CBLB: variants seen among roughly 807,000 people sequenced by gnomAD.
CBLB encodes E3 ubiquitin-protein ligase CBL-B.
CBLB carries 31 observed loss-of-function variants against 104.9 expected under a neutral mutation model. The observed-to-expected ratio is 0.30, with a 90% CI of 0.22 to 0.40. CBLB has a LOEUF of 0.40. CBLB is among the 10% of genes least tolerant of loss of function. The probability of loss-of-function intolerance (pLI) is 1.00; values close to 1 mark genes in which losing one functional copy is unlikely to be tolerated. For synonymous variants in CBLB, 440 were observed against 422.6 expected (o/e 1.04, Z -0.51); for missense variants, 1,062 against 1,214.6 (o/e 0.87, Z 1.87).
intron 3 of CBLB, among the ~76,000 whole-genome samples, chr3:105,851,258 G>T: frequency 6.6e-6 from 1 of 152,164 alleles, no homozygotes; most frequent in Non-Finnish European, 1.5e-5. Context: ...AATGCAAATT[G>T]TTAGGTGACA....
upstream of CBLB, chr3:105,869,347 T>A (rs1706767538): frequency 7.5e-7 from 1 of 1,335,506 alleles, no homozygotes; most frequent in Non-Finnish European, 9.9e-7. Context: ...CAATAAGGGG[T>A]GGCAGGTGGG....
At chr3:105,824,434 A>G (rs1013391241) in intron 3 of CBLB, among the ~76,000 whole-genome samples, 3 of 152,138 alleles carry the variant, frequency 2.0e-5, no homozygotes, top group African/African-American at 7.2e-5. Context: ...AACTTTAGTT[A>G]ACAAATATGC....
At chr3:105,815,314 A>T (rs1273485621) in intron 3 of CBLB, among the ~76,000 whole-genome samples, 3 of 152,196 alleles carry the variant, frequency 2.0e-5, no homozygotes, top group African/African-American at 2.4e-5. Flanking sequence ...TAGTGAAAGG[A>T]AAGACAAAAG....
At chr3:105,857,258 T>C (rs1373224968) in intron 2 of CBLB, among the ~76,000 whole-genome samples, 1 of 152,226 alleles carries the variant, frequency 6.6e-6, no homozygotes, top group African/African-American at 2.4e-5. Flanking sequence ...TTTTTCTCAT[T>C]TGCTTTATTT....
chr3:105,770,684 G>T (rs914798554), intron 4 of CBLB, among the ~76,000 whole-genome samples: 2 of 152,136 alleles, frequency 1.3e-5, no homozygotes, highest in African/African-American at 4.8e-5. Flanking sequence ...CTGGGAAGAC[G>T]AAGAGGGGCA....
At chr3:105,769,887 T>A (rs1456574262) in intron 4 of CBLB, among the ~76,000 whole-genome samples, 1 of 152,090 alleles carries the variant, frequency 6.6e-6, no homozygotes, top group East Asian at 1.9e-4. Context: ...ATAGGATAGG[T>A]TGTTATTGGA....
chr3:105,869,215 C>T (rs1208037535), upstream of CBLB: 4 of 641,192 alleles, frequency 6.2e-6, no homozygotes, highest in African/African-American at 3.7e-5. Flanking sequence ...GGAAGGCCCG[C>T]TCGCAGCACG....
intron 16 of CBLB, among the ~76,000 whole-genome samples, chr3:105,680,350 G>A (rs1481098006): frequency 6.6e-6 from 1 of 152,214 alleles, no homozygotes; most frequent in Non-Finnish European, 1.5e-5. Flanking sequence ...ATATAAAGTA[G>A]TCACCCATCC....
intron 9 of CBLB, among the ~76,000 whole-genome samples, chr3:105,720,862 G>T (rs189563749): frequency 3.3e-4 from 50 of 152,280 alleles, no homozygotes; most frequent in Non-Finnish European, 5.9e-4. Context: ...AGTTCTCTGT[G>T]AGATACTAAG....
Position 105,678,504 on chromosome 3 carries a change from G to A in CBLB, c.2496C>T (p.Leu832=). ...PPPPPPARHS[L]IEHSKPPGSS... The stretch of plus-strand genomic sequence containing the variant: ...AGCCAGGAGGTTTTGAATGTTCAAT[G>A]AGACTATGCCTTGCAGGAGGTGGGG... Residue 832 remains leucine, a synonymous_variant, in exon 17 of 19, where the codon CTC becomes CTT. Transcript: ENST00000394030. 2.5e-6 allele frequency: 4 copies of A among 1,613,980 alleles called. No individual in the cohort carries two copies. The highest frequency in any genetic ancestry group is 3.4e-6 in the Non-Finnish European group (4 of 1,179,854).
At chr3:105,670,020 A>C (rs925228698) in intron 18 of CBLB, among the ~76,000 whole-genome samples, 3 of 152,198 alleles carry the variant, frequency 2.0e-5, no homozygotes, top group Non-Finnish European at 2.9e-5. Flanking sequence ...ATCAAAGATA[A>C]TATTAAGCTT....
chr3:105,775,995 C>T (rs1373344007), intron 4 of CBLB, among the ~76,000 whole-genome samples: 1 of 152,170 alleles, frequency 6.6e-6, no homozygotes, highest in East Asian at 1.9e-4. Flanking sequence ...AGCAACTATT[C>T]CCTTCTAAAT....
At chr3:105,830,156 T>C (rs1438628249) in intron 3 of CBLB, among the ~76,000 whole-genome samples, 1 of 152,116 alleles carries the variant, frequency 6.6e-6, no homozygotes, top group Non-Finnish European at 1.5e-5. Context: ...TCAAAACATC[T>C]TGGAAGGCTG....
At chr3:105,683,025 T>C (rs1376417579) in intron 14 of CBLB, among the ~76,000 whole-genome samples, 2 of 1,248 alleles carry the variant, frequency 1.6e-3, no homozygotes, top group Non-Finnish European at 0.015. Flanking sequence ...GCGTATGTAA[T>C]GGAAGAGACG....
chr3:105,779,829 T>G (rs2079954851), intron 3 of CBLB, among the ~76,000 whole-genome samples: 1 of 152,150 alleles, frequency 6.6e-6, no homozygotes, highest in African/African-American at 2.4e-5. Context: ...CTTTCTTTAT[T>G]CCCCATCCCA....
chr3:105,779,422 G>A (rs1258685712), intron 3 of CBLB, among the ~76,000 whole-genome samples: 3 of 151,970 alleles, frequency 2.0e-5, no homozygotes, highest in Non-Finnish European at 2.9e-5. Context: ...ACAAAATAAG[G>A]CAATGAAAAA....
chr3:105,826,385 T>G (rs1418734244), intron 3 of CBLB, among the ~76,000 whole-genome samples: 1 of 152,176 alleles, frequency 6.6e-6, no homozygotes, highest in Non-Finnish European at 1.5e-5. Context: ...CTAGAAACAC[T>G]TTAGCTTTTT....
At chr3:105,674,633 T>C (rs999162114) in intron 17 of CBLB, among the ~76,000 whole-genome samples, 1 of 152,200 alleles carries the variant, frequency 6.6e-6, no homozygotes, top group Admixed American at 6.5e-5. Context: ...TGGCACAAAG[T>C]AGAGGTAGGG....
chr3:105,723,087 T>C (rs1035783562), intron 9 of CBLB, among the ~76,000 whole-genome samples: 1 of 152,174 alleles, frequency 6.6e-6, no homozygotes, highest in Non-Finnish European at 1.5e-5. Flanking sequence ...TACTCTAATA[T>C]GACTTCATCC....
Sources: allele counts gnomAD v4.1 joint callset (sites outside exome capture counted in the v4.1 genomes callset), GRCh38; gene constraint gnomAD v4.1.1; transcripts MANE v1.5; gene names NCBI Gene and HGNC (gene_info 2026-07-23, HGNC 2026-07-21).